Variants in FCHSD2 observed in about 807,000 individuals in gnomAD.
FCHSD2 encodes the protein F-BAR and double SH3 domains protein 2.
Under a neutral mutation model 108.1 loss-of-function variants are expected in FCHSD2, and 38 were observed. The observed-to-expected ratio is 0.35, with a 90% confidence interval of 0.27 to 0.46. FCHSD2 has a LOEUF of 0.46. FCHSD2 is among the 20% of genes least tolerant of loss of function. The pLI is 1.00. For missense variants in FCHSD2, 751 were observed against 897.8 expected, an observed-to-expected ratio of 0.84 and a Z score of 2.09; for synonymous variants, 279 against 314.7, an observed-to-expected ratio of 0.89 and a Z score of 1.20.
intron 2 of FCHSD2, among the ~76,000 whole-genome samples, chr11:73,106,465 T>A (rs749955059): frequency 2.0e-4 from 30 of 151,880 alleles, no homozygotes; most frequent in Non-Finnish European, 3.2e-4. Flanking sequence ...GTTAGGCTCT[T>A]AAATCAGTAT....
At chr11:72,942,106 C>G (rs1372612932) in intron 8 of FCHSD2, among the ~76,000 whole-genome samples, 1 of 152,198 alleles carries the variant, frequency 6.6e-6, no homozygotes, top group African/African-American at 2.4e-5. Context: ...CAGGGGGTGT[C>G]TGTGTCATGG....
chr11:73,065,085 GAACATCAATGCGA>G (rs1354673881), intron 3 of FCHSD2, among the ~76,000 whole-genome samples: 3 of 152,096 alleles, frequency 2.0e-5, no homozygotes, highest in South Asian at 2.1e-4. Context: ...TATCCCTGAG[GAACATCAATGCGA>G]AAATCCTCAA....
At chr11:72,936,421 T>A (rs1268140208) in intron 8 of FCHSD2, among the ~76,000 whole-genome samples, 3 of 152,026 alleles carry the variant, frequency 2.0e-5, no homozygotes, top group African/African-American at 7.2e-5. Flanking sequence ...AATTCCCTTG[T>A]TTTTTTTACT....
chr11:72,989,134 T>C (rs1054593374), intron 5 of FCHSD2, 37 bp from the exon 6 acceptor site: 5 of 1,557,576 alleles, frequency 3.2e-6, no homozygotes, highest in South Asian at 2.4e-5. Context: ...ATGATTTTAG[T>C]TTTCAGGCTT....
At position 73,083,544 on chromosome 11, in the gene FCHSD2, T is replaced by C. The variant is rs186286239; in HGVS notation, c.165+151A>G. 396 of 589,030 alleles carry C rather than the reference T, an allele frequency of 6.7e-4. 1 individual carries two copies. The African/African-American group carries it at 7.2e-3, about 11-fold the overall frequency. 36.5% of individuals were successfully genotyped at this position (589,030 alleles called of 1,614,324 possible). On this transcript the variant is annotated intron_variant, in intron 3 of 19. Coordinates refer to ENST00000409418, the MANE Select transcript of FCHSD2 (RefSeq NM_014824.3). ...AGCCTCGCAACAAAGCGAGACTCCA[T>C]CTCAGAAAAAAAGAAAAAAAAAAAA...
intron 2 of FCHSD2, among the ~76,000 whole-genome samples, chr11:73,112,311 T>C (rs1227121953): frequency 6.6e-6 from 1 of 152,208 alleles, no homozygotes; most frequent in African/African-American, 2.4e-5. Context: ...ACATGTCATG[T>C]CACTCTTTCC....
chr11:73,004,828 C>T (rs1857706369), intron 4 of FCHSD2, among the ~76,000 whole-genome samples: 3 of 152,136 alleles, frequency 2.0e-5, no homozygotes, highest in Admixed American at 2.0e-4. Flanking sequence ...TTAATCCATT[C>T]TTCACCCACC....
At chr11:73,016,531 A>T in intron 3 of FCHSD2, among the ~76,000 whole-genome samples, 1 of 152,236 alleles carries the variant, frequency 6.6e-6, no homozygotes, top group East Asian at 1.9e-4. Context: ...CACCTCTGGC[A>T]TGTCACAGGG....
chr11:72,892,993 ATTTATT>A, intron 10 of FCHSD2, among the ~76,000 whole-genome samples: 1 of 150,214 alleles, frequency 6.7e-6, no homozygotes, highest in South Asian at 2.1e-4. Context: ...ATGCTGGCAA[ATTTATT>A]TTTATTTTTA....
At chr11:72,872,975 T>C (rs1033947076) in intron 12 of FCHSD2, among the ~76,000 whole-genome samples, 3 of 152,214 alleles carry the variant, frequency 2.0e-5, no homozygotes, top group Admixed American at 1.3e-4. Context: ...ACTCTAGCCA[T>C]GCTAGTGGAT....
At chr11:73,139,567 TA>T (rs1457559545) in intron 2 of FCHSD2, among the ~76,000 whole-genome samples, 1 of 152,212 alleles carries the variant, frequency 6.6e-6, no homozygotes, top group Non-Finnish European at 1.5e-5. Context: ...CACTTCTCAC[TA>T]AATTTGGCAC....
chr11:73,137,136 C>A (rs538342739), intron 2 of FCHSD2, among the ~76,000 whole-genome samples: 6 of 151,994 alleles, frequency 3.9e-5, no homozygotes, highest in Admixed American at 3.9e-4. Flanking sequence ...CTTCCTCAGG[C>A]AACTGAAGTT....
chr11:72,915,544 C>G (rs574580536), intron 9 of FCHSD2, among the ~76,000 whole-genome samples: 1 of 152,156 alleles, frequency 6.6e-6, no homozygotes, highest in African/African-American at 2.4e-5. Context: ...GGTACATGGT[C>G]GGGCGTGGTG....
At chr11:73,044,133 G>A (rs564753573) in intron 3 of FCHSD2, among the ~76,000 whole-genome samples, 3 of 152,192 alleles carry the variant, frequency 2.0e-5, no homozygotes, top group Admixed American at 6.5e-5. Flanking sequence ...TACATCCAAG[G>A]CCTGCTACTA....
rs575773036 is a variant in FCHSD2 at position 72,890,673 on chromosome 11, T to C, written c.925-728A>G. ...TACTATGGAAAGTGCTTCATATAAC[T>C]TTTTTTTTTTTTAACAACCTGATGA... On this transcript the variant is annotated intron_variant, in intron 10 of 19. Coordinates refer to ENST00000409418, the MANE Select transcript of FCHSD2 (RefSeq NM_014824.3). Among the ~76,000 whole-genome samples the C allele has an allele frequency of 1.2e-3, 178 of 143,122 alleles. 1 individual carries two copies. Among genetic ancestry groups the C allele is most frequent in the African/African-American group, 4.3e-3 (171 of 39,576 alleles). 93.9% of individuals were successfully genotyped at this position (143,122 alleles called of 152,430 possible). A position where few individuals can be genotyped will look rare whatever the true frequency, so the allele number is the denominator to read the frequency against.
At chr11:72,994,063 C>T (rs1857474734) in intron 5 of FCHSD2, among the ~76,000 whole-genome samples, 1 of 152,158 alleles carries the variant, frequency 6.6e-6, no homozygotes, top group Non-Finnish European at 1.5e-5. Flanking sequence ...CTAAAGCTGG[C>T]TCTGCAAATG....
At chr11:73,012,963 T>G (rs545271827) in intron 4 of FCHSD2, among the ~76,000 whole-genome samples, 1 of 152,234 alleles carries the variant, frequency 6.6e-6, no homozygotes, top group Non-Finnish European at 1.5e-5. Context: ...TATGAGATGA[T>G]GAGGAATTAA....
At chr11:72,888,745 C>T (rs980517984) in intron 11 of FCHSD2, among the ~76,000 whole-genome samples, 3 of 151,696 alleles carry the variant, frequency 2.0e-5, no homozygotes, top group East Asian at 1.9e-4. Flanking sequence ...CTTAGCCTCC[C>T]GAATAGGTGG....
chr11:73,073,206 C>T lies in FCHSD2; in HGVS notation c.165+10489G>A, dbSNP rs1591532073. Among the ~76,000 whole-genome samples, 3 of 152,178 alleles carry T rather than the reference C, an allele frequency of 2.0e-5. No homozygotes were observed. In the East Asian group the frequency reaches 5.8e-4, roughly 29 times the overall value. ...AGTCAGAAGCTAGACTTGATTGTTC[C>T]CTAATATTTAATGTTGCTCAGTTAT... On this transcript the variant is annotated intron_variant, in intron 3 of 19. Coordinates refer to ENST00000409418, the MANE Select transcript of FCHSD2 (RefSeq NM_014824.3).
Sources: gnomAD v4.1 joint callset for allele counts (sites outside exome capture counted in the v4.1 genomes callset) on GRCh38, gnomAD v4.1.1 for gene constraint, MANE v1.5 for transcripts, NCBI Gene and HGNC (gene_info 2026-07-23, HGNC 2026-07-21) for gene names.